Variants in DDHD2 observed in about 807,000 individuals in gnomAD.
DDHD2 encodes the protein DDHD domain containing 2, also known as triacylglycerol hydrolase DDHD2.
In DDHD2, 62 loss-of-function variants were observed where a neutral mutation model predicts 91.2. The ratio of observed to expected loss-of-function variants is 0.68; its 90% CI spans 0.55 to 0.84. The LOEUF is 0.84. DDHD2 is among the 40% of genes least tolerant of loss of function. The pLI is 0.00. For synonymous variants in DDHD2, 271 were observed against 293.9 expected (o/e 0.92, Z 0.80); for missense variants, 740 against 846.9 (o/e 0.87, Z 1.57).
intron 15 of DDHD2, 106 bp from the exon 16 acceptor site, chr8:38,253,450 G>A: frequency 1.0e-6 from 1 of 989,976 alleles, no homozygotes; most frequent in Non-Finnish European, 1.5e-6. Flanking sequence ...TCTCTGAACA[G>A]AGAGTAGCTC....
chr8:38,238,278 T>A, intron 5 of DDHD2, 69 bp downstream of exon 5: 1 of 1,596,824 alleles, frequency 6.3e-7, no homozygotes, highest in Non-Finnish European at 8.5e-7. Context: ...GTGACCTTTT[T>A]CTGTGGATTT....
At chr8:38,265,967 CTT>C (rs1807523052), downstream of DDHD2, among the ~76,000 whole-genome samples, 1 of 152,092 alleles carries the variant, frequency 6.6e-6, no homozygotes, top group Non-Finnish European at 1.5e-5. Context: ...TTGGTAAACT[CTT>C]TTTGTCTTAT....
Position 38,262,147 on chromosome 8 carries a change from T to C in DDHD2, c.*1574T>C, listed in dbSNP as rs1225395131. On this transcript the variant is annotated 3_prime_UTR_variant, in exon 18 of 18. Coordinates refer to ENST00000397166, the MANE Select transcript of DDHD2 (RefSeq NM_015214.3). ...GTCTAGTGCTAAGTATGCCACTAAG[T>C]TTCAGATATATGGAATACTTTATTT... 2 of 152,146 alleles carry C rather than the reference T, an allele frequency of 1.3e-5. No homozygotes were observed. Among genetic ancestry groups the C allele is most frequent in the Non-Finnish European group, 2.9e-5 (2 of 68,014 alleles). The allele number at this position is 152,146 out of a possible 1,614,324, so 9.4% of individuals were successfully genotyped here.
At chr8:38,246,150 ATTGGCTTATGCCTTTTT>A in intron 8 of DDHD2, 66 bp from the exon 9 acceptor site, 1 of 1,157,758 alleles carries the variant, frequency 8.6e-7, no homozygotes, top group Admixed American at 1.9e-5. Flanking sequence ...TACATATGTA[ATTGGCTTATGCCTTTTT>A]TGTATAACAG....
rs369110748 is a variant in DDHD2 at position 38,251,969 on chromosome 8, G to A, written c.1402G>A (p.Glu468Lys). The part of the protein sequence containing the change: ...ASGANIPKES[E>K]FCSSSNTRNG... ...AGGGGCAAACATCCCCAAAGAATCT[G>A]AGTTCTGCAGTAGCAGTAATACTAG... is the stretch of plus-strand genomic sequence containing the variant. The change falls in exon 12 of 18, where the codon GAG becomes AAG. Residue 468 changes from glutamate to lysine, a missense_variant. Transcript: ENST00000397166. 47 of 1,614,090 alleles carry A rather than the reference G, an allele frequency of 2.9e-5. No homozygotes were observed. The African/African-American group carries it at 5.3e-4, about 18-fold the overall frequency.
intron 1 of DDHD2, chr8:38,269,160 C>T: frequency 6.6e-7 from 1 of 1,513,246 alleles, no homozygotes; most frequent in Non-Finnish European, 8.8e-7. Flanking sequence ...CGCACGCCCA[C>T]TTCGGCCCCA....
downstream of DDHD2, chr8:38,266,237 C>T: frequency 6.2e-7 from 1 of 1,613,784 alleles, no homozygotes; most frequent in Non-Finnish European, 8.5e-7. Flanking sequence ...CAAGATTTCC[C>T]ACGGCCTTGT....
chr8:38,266,973 T>C (rs924881365), downstream of DDHD2: 29 of 1,180,266 alleles, frequency 2.5e-5, no homozygotes, highest in East Asian at 9.7e-5. Context: ...ACCTGACACA[T>C]AGAAACTCTT....
downstream of DDHD2, chr8:38,263,687 G>GT: frequency 1.0e-6 from 1 of 985,246 alleles, no homozygotes; most frequent in Non-Finnish European, 1.2e-6. Context: ...ATCAGAGAAG[G>GT]TAAACAGAAT....
downstream of DDHD2, chr8:38,264,438 C>A: frequency 6.5e-7 from 1 of 1,543,528 alleles, no homozygotes; most frequent in Non-Finnish European, 8.7e-7. Context: ...CGGCCAGATT[C>A]AATTTTTAAA....
At position 38,261,641 on chromosome 8, in the gene DDHD2, A is replaced by G. The variant is rs1421824855; in HGVS notation, c.*1068A>G. The G allele has an allele frequency of 2.6e-5, 4 of 152,234 alleles. No individual in the cohort carries two copies. Among genetic ancestry groups the G allele is most frequent in the South Asian group, 2.1e-4 (1 of 4,832 alleles). 9.4% of individuals were successfully genotyped at this position (152,234 alleles called of 1,614,324 possible). A position where few individuals can be genotyped will look rare whatever the true frequency, so the allele number is the denominator to read the frequency against. ...GGAAATGTTTAACTTGTTCTGAAAG[A>G]AAAACTTATGTCTGTAGGGTCCAAG... On this transcript the variant is annotated 3_prime_UTR_variant, in exon 18 of 18. Transcript: ENST00000397166.
chr8:38,251,774 A>G (rs971539071), intron 11 of DDHD2, 138 bp from the exon 12 acceptor site: 3 of 609,490 alleles, frequency 4.9e-6, no homozygotes, highest in Non-Finnish European at 8.7e-6. Flanking sequence ...AATAGAGACT[A>G]TGTTGCCCAC....
Position 38,262,188 on chromosome 8 carries a change from A to T in DDHD2, c.*1615A>T, listed in dbSNP as rs1807086334. On this transcript the variant is annotated 3_prime_UTR_variant, in exon 18 of 18. Coordinates refer to ENST00000397166, the MANE Select transcript of DDHD2 (RefSeq NM_015214.3). ...TACTTTATTTTTTTAAAGGTATATA[A>T]ACTCTGAGTTATTGAGAATTAAGTA... 6.6e-6 allele frequency: 1 copy of T among 152,154 alleles called. No individual in the cohort carries two copies. The highest frequency in any genetic ancestry group is 1.5e-5 in the Non-Finnish European group (1 of 68,036). 9.4% of individuals were successfully genotyped at this position (152,154 alleles called of 1,614,324 possible).
At chr8:38,246,094 G>C in intron 8 of DDHD2, 139 bp from the exon 9 acceptor site, 1 of 1,108,794 alleles carries the variant, frequency 9.0e-7, no homozygotes, top group Non-Finnish European at 1.4e-6. Flanking sequence ...GGTTGGAAGG[G>C]TGGCGGTAAA....
At chr8:38,247,673 A>C in intron 9 of DDHD2, 40 bp from the exon 10 acceptor site, 1 of 1,339,652 alleles carries the variant, frequency 7.5e-7, no homozygotes, top group Non-Finnish European at 1.0e-6. Context: ...AGGAAACTAA[A>C]TGAATTTCAA....
downstream of DDHD2, chr8:38,266,913 T>G: frequency 6.0e-6 from 3 of 496,510 alleles, no homozygotes; most frequent in Non-Finnish European, 8.9e-6. Context: ...CCCCACCTCA[T>G]TGGATTATTG....
intron 11 of DDHD2, chr8:38,251,517 T>G (rs1806106696): frequency 6.0e-6 from 1 of 167,036 alleles, no homozygotes; most frequent in Admixed American, 5.9e-5. Context: ...TGTTTTCTCT[T>G]ATGATTGTTG....
At chr8:38,258,579 G>A (rs900846256) in intron 16 of DDHD2, among the ~76,000 whole-genome samples, 1 of 152,068 alleles carries the variant, frequency 6.6e-6, no homozygotes, top group African/African-American at 2.4e-5. Context: ...ACATAAATGG[G>A]ACTATTTCTC....
At chr8:38,270,376 A>G (rs1429662698) in intron 1 of DDHD2, 1 of 152,260 alleles carries the variant, frequency 6.6e-6, no homozygotes, top group East Asian at 1.9e-4. Context: ...TTGTTGTGCA[A>G]TATCACTCAA....
Sources: allele counts gnomAD v4.1 joint callset (sites outside exome capture counted in the v4.1 genomes callset), GRCh38; gene constraint gnomAD v4.1.1; transcripts MANE v1.5; gene names NCBI Gene and HGNC (gene_info 2026-07-23, HGNC 2026-07-21).